Variants in COMMD10 observed in about 807,000 individuals in gnomAD.
The protein encoded by COMMD10 is COMM domain containing 10.
In COMMD10, 33 loss-of-function variants were observed where a neutral mutation model predicts 28.9. The observed-to-expected ratio is 1.14, with a 90% confidence interval of 0.87 to 1.53. The LOEUF is 1.53. COMMD10 is among the 40% of genes most tolerant of loss of function. The probability of loss-of-function intolerance (pLI) is 0.00; values close to 1 mark genes in which losing one functional copy is unlikely to be tolerated. For synonymous variants in COMMD10, 110 were observed against 81.7 expected, an observed-to-expected ratio of 1.35 and a Z score of -1.87; for missense variants, 310 against 233.4, an observed-to-expected ratio of 1.33 and a Z score of -2.14.
chr5:116,131,351 A>G (rs981550496), intron 4 of COMMD10, among the ~76,000 whole-genome samples: 4 of 151,744 alleles, frequency 2.6e-5, no homozygotes, highest in Non-Finnish European at 5.9e-5. Flanking sequence ...TTTGGCCTGC[A>G]GATAATATTG....
At chr5:116,241,091 G>A (rs1005433388) in intron 5 of COMMD10, among the ~76,000 whole-genome samples, 2 of 152,082 alleles carry the variant, frequency 1.3e-5, no homozygotes, top group African/African-American at 4.8e-5. Flanking sequence ...ATGAAGCAGA[G>A]GTTTCCATTC....
At chr5:116,186,261 C>T (rs1179681398) in intron 5 of COMMD10, among the ~76,000 whole-genome samples, 2 of 152,146 alleles carry the variant, frequency 1.3e-5, no homozygotes, top group Non-Finnish European at 2.9e-5. Context: ...CATTCCAATA[C>T]AGCTTCTGCT....
intron 5 of COMMD10, among the ~76,000 whole-genome samples, chr5:116,284,971 C>G (rs185268699): frequency 4.0e-5 from 6 of 151,868 alleles, no homozygotes; most frequent in Admixed American, 2.0e-4. Flanking sequence ...TTTGAAAATC[C>G]ACTTAATTGA....
chr5:116,122,727 T>G (rs1201175702), intron 4 of COMMD10, among the ~76,000 whole-genome samples: 4 of 152,198 alleles, frequency 2.6e-5, no homozygotes, highest in Non-Finnish European at 5.9e-5. Context: ...CTAGGTATTT[T>G]ATTCTCTTTG....
intron 5 of COMMD10, among the ~76,000 whole-genome samples, chr5:116,175,993 A>G (rs1015595713): frequency 1.3e-5 from 2 of 152,058 alleles, no homozygotes; most frequent in East Asian, 3.9e-4. Context: ...TTGCCACAGA[A>G]CTGTACTCAA....
At chr5:116,167,062 G>A (rs1305777957) in intron 5 of COMMD10, among the ~76,000 whole-genome samples, 1 of 151,940 alleles carries the variant, frequency 6.6e-6, no homozygotes, top group Non-Finnish European at 1.5e-5. Context: ...CGAGCTAAAG[G>A]AGCATGTTCT....
intron 5 of COMMD10, among the ~76,000 whole-genome samples, chr5:116,278,062 A>T (rs1467565207): frequency 6.6e-6 from 1 of 151,884 alleles, no homozygotes; most frequent in African/African-American, 2.4e-5. Flanking sequence ...CTCAGCCAAG[A>T]TAGTAACACA....
chr5:116,102,387 G>A (rs1750694058), intron 4 of COMMD10, among the ~76,000 whole-genome samples: 1 of 151,928 alleles, frequency 6.6e-6, no homozygotes, highest in Admixed American at 6.6e-5. Context: ...TTTATTTCTG[G>A]GTTTTCTAGT....
intron 5 of COMMD10, among the ~76,000 whole-genome samples, chr5:116,177,042 T>C (rs1753537129): frequency 6.6e-6 from 1 of 152,060 alleles, no homozygotes; most frequent in Admixed American, 6.6e-5. Flanking sequence ...AAACAATCTT[T>C]TGGGGGTGCA....
chr5:116,168,172 AAAG>A (rs1441278596), intron 5 of COMMD10, among the ~76,000 whole-genome samples: 1 of 151,472 alleles, frequency 6.6e-6, no homozygotes, highest in East Asian at 1.9e-4. Context: ...AAAAAAAAAA[AAAG>A]GGATTGCAGT....
At chr5:116,253,975 T>G (rs1194785761) in intron 5 of COMMD10, among the ~76,000 whole-genome samples, 4 of 152,086 alleles carry the variant, frequency 2.6e-5, no homozygotes, top group African/African-American at 9.7e-5. Context: ...CAATTTCAGA[T>G]CCTGTTATTG....
intron 5 of COMMD10, among the ~76,000 whole-genome samples, chr5:116,180,518 C>T (rs1432991564): frequency 6.6e-6 from 1 of 151,938 alleles, no homozygotes; most frequent in Non-Finnish European, 1.5e-5. Flanking sequence ...TTAAGTGCCT[C>T]ATATTTTTAA....
In COMMD10 at chr5:116,196,969, G is replaced by T. The variant is rs185358863; in HGVS notation, c.510+62791G>T. ...TCGATGTATTCCTATCTTTCAGTAT[G>T]TGCTTACATACAAATAACAACTTTG... On this transcript the variant is annotated intron_variant, in intron 5 of 6. Coordinates refer to ENST00000274458, the MANE Select transcript of COMMD10 (RefSeq NM_016144.4). 1.4e-4 allele frequency among the ~76,000 whole-genome samples: 22 copies of T among 152,190 alleles called. 1 individual carries two copies. In the East Asian group the frequency reaches 3.3e-3, roughly 23 times the overall value.
chr5:116,143,545 G>A (rs1171022164), intron 5 of COMMD10, among the ~76,000 whole-genome samples: 1 of 151,748 alleles, frequency 6.6e-6, no homozygotes, highest in Non-Finnish European at 1.5e-5. Context: ...TCTGAATCGT[G>A]TAGTCTCTGA....
intron 4 of COMMD10, among the ~76,000 whole-genome samples, chr5:116,114,296 C>G (rs12515182): frequency 0.31 from 46,349 of 151,758 alleles, 9,587 homozygotes; most frequent in African/African-American, 0.6. Flanking sequence ...TAGCAGTGTA[C>G]TGGGCAAGTG....
At position 116,288,872 on chromosome 5, in the gene COMMD10, CTT is replaced by C. The variant is rs1157658912; in HGVS notation, c.511-2619_511-2618del. On this transcript the variant is annotated intron_variant, in intron 5 of 6. Coordinates refer to ENST00000274458, the MANE Select transcript of COMMD10 (RefSeq NM_016144.4). ...GTTTTCAATTGTTGGTGTTCTCTCT[CTT>C]TTTTTTTTTTTTTTTTTTTTTTTTT... Among the ~76,000 whole-genome samples the C allele has an allele frequency of 4.9e-4, 51 of 104,368 alleles. 1 individual carries two copies. The highest frequency in any genetic ancestry group is 1.6e-3 in the South Asian group (5 of 3,158). 68.5% of individuals were successfully genotyped at this position (104,368 alleles called of 152,430 possible). A position where few individuals can be genotyped will look rare whatever the true frequency, so the allele number is the denominator to read the frequency against.
intron 5 of COMMD10, among the ~76,000 whole-genome samples, chr5:116,231,165 T>G (rs1292381453): frequency 6.6e-6 from 1 of 152,144 alleles, no homozygotes; most frequent in African/African-American, 2.4e-5. Context: ...CTACATCCTA[T>G]TGGTGGTAGG....
At chr5:116,247,454 A>G (rs1749983410) in intron 5 of COMMD10, among the ~76,000 whole-genome samples, 1 of 152,064 alleles carries the variant, frequency 6.6e-6, no homozygotes, top group African/African-American at 2.4e-5. Flanking sequence ...CAAGCCAGCA[A>G]TCTCATTGCT....
chr5:116,220,185 C>A (rs1749210897), intron 5 of COMMD10, among the ~76,000 whole-genome samples: 1 of 152,006 alleles, frequency 6.6e-6, no homozygotes, highest in African/African-American at 2.4e-5. Context: ...AACAGTACAT[C>A]CAAAAATTGT....
Sources: allele counts gnomAD v4.1 joint callset (sites outside exome capture counted in the v4.1 genomes callset), GRCh38; gene constraint gnomAD v4.1.1; transcripts MANE v1.5; gene names NCBI Gene and HGNC (gene_info 2026-07-23, HGNC 2026-07-21).